The following TNFAIP2 variants were observed in gnomAD, a reference collection of about 807,000 sequenced individuals.
TNFAIP2 encodes the protein TNF alpha induced protein 2.
Under a neutral mutation model 63.5 loss-of-function variants are expected in TNFAIP2, and 47 were observed. That is an observed-to-expected ratio of 0.74 (90% CI 0.59 to 0.94). TNFAIP2 has a LOEUF of 0.94. TNFAIP2 is among the 40% of genes least tolerant of loss of function. The probability of loss-of-function intolerance (pLI) is 0.00; values close to 1 mark genes in which losing one functional copy is unlikely to be tolerated. For synonymous variants in TNFAIP2, 405 were observed against 390.2 expected (o/e 1.04, Z -0.45); for missense variants, 787 against 850.2 (o/e 0.93, Z 0.92).
chr14:103,123,077 G>A, upstream of TNFAIP2: 1 of 264,506 alleles, frequency 3.8e-6, no homozygotes. Context: ...GGGCTCTCCC[G>A]CAGCTGGAGC....
In TNFAIP2 at chr14:103,127,948, C is replaced by T. The variant is rs964823055; in HGVS notation, c.860+319C>T. On this transcript the variant is annotated intron_variant, in intron 3 of 11. Transcript: ENST00000560869. The surrounding 1 kb of genome is among the most constrained non-coding windows in gnomAD (Gnocchi z 5.1). ...ATGGTAGGGATTTCATTCACGAGCG[C>T]CCAGTCTGAGGAGGGGGCAAAGCAA... Among the ~76,000 whole-genome samples the T allele has an allele frequency of 6.6e-6, 1 of 152,136 alleles. No homozygotes were observed. The highest frequency in any genetic ancestry group is 1.5e-5 in the Non-Finnish European group (1 of 68,022).
Position 103,127,143 on chromosome 14 carries a change from T to A in TNFAIP2, c.374T>A (p.Val125Glu). 1 of 1,109,568 alleles carries A rather than the reference T, an allele frequency of 9.0e-7. No individual in the cohort carries two copies. Among genetic ancestry groups the A allele is most frequent in the Non-Finnish European group, 1.1e-6 (1 of 908,182 alleles). The allele number at this position is 1,109,568 out of a possible 1,614,324, so 68.7% of individuals were successfully genotyped here. The change falls in exon 3 of 12, where the codon GTG becomes GAG. Residue 125 changes from valine (V) to glutamate (E), a missense_variant. Transcript: ENST00000560869. This position sits in a 1 kb window ranked among gnomAD's most constrained non-coding sequence, Gnocchi z 5.1. Reference protein sequence around the residue: ...EEELVRRQSKVEALYELLRDQ... With the variant: ...EEELVRRQSKEEALYELLRDQ... ...GAGCTGGTGCGGCGCCAGAGCAAGG[T>A]GGAGGCGCTGTACGAGCTGCTGCGC...
rs549087553 is a variant in TNFAIP2 at position 103,133,220 on chromosome 14, A to G, written c.1546-142A>G. 65 of 1,076,224 alleles carry G rather than the reference A, an allele frequency of 6.0e-5. 1 individual carries two copies. In the East Asian group the frequency reaches 1.6e-3, roughly 27 times the overall value. 66.7% of individuals were successfully genotyped at this position (1,076,224 alleles called of 1,614,324 possible). On this transcript the variant is annotated intron_variant, in intron 9 of 11. Coordinates refer to ENST00000560869, the MANE Select transcript of TNFAIP2 (RefSeq NM_006291.4). ...TGAACGCATGAGCATGTGAACGCAC[A>G]CATGTGGACGCACGAGCACGTGTGC...
At chr14:103,129,958 G>C in intron 4 of TNFAIP2, 44 bp from the exon 5 acceptor site, 1 of 1,608,306 alleles carries the variant, frequency 6.2e-7, no homozygotes, top group Non-Finnish European at 8.5e-7. Context: ...CCAGGTGAGC[G>C]AGGTGAGGGA....
chr14:103,133,201 C>T (rs1315622991), intron 9 of TNFAIP2, among the ~76,000 whole-genome samples, 161 bp from the exon 10 acceptor site: 1 of 152,258 alleles, frequency 6.6e-6, no homozygotes, highest in Admixed American at 6.5e-5. Flanking sequence ...CATGTGAACG[C>T]ATGAGCATGT....
Position 103,135,549 on chromosome 14 carries a change from A to G in TNFAIP2, c.*189A>G, listed in dbSNP as rs906109135. The G allele has an allele frequency of 1.8e-5, 26 of 1,443,326 alleles. No homozygotes were observed. Among genetic ancestry groups the G allele is most frequent in the Admixed American group, 5.7e-5 (2 of 35,266 alleles). The allele number at this position is 1,443,326 out of a possible 1,614,324, so 89.4% of individuals were successfully genotyped here. ...ACTGGACAGACCTTGGTTTGTTTAC[A>G]TGTCCGATGGGGGCAGGAGCTCCCA... On this transcript the variant is annotated 3_prime_UTR_variant, in exon 12 of 12. Coordinates refer to ENST00000560869, the MANE Select transcript of TNFAIP2 (RefSeq NM_006291.4). The surrounding 1 kb of genome is among the most constrained non-coding windows in gnomAD (Gnocchi z 7.6).
At chr14:103,133,201 C>G (rs1315622991) in intron 9 of TNFAIP2, among the ~76,000 whole-genome samples, 161 bp from the exon 10 acceptor site, 1 of 152,258 alleles carries the variant, frequency 6.6e-6, no homozygotes, top group African/African-American at 2.4e-5. Context: ...CATGTGAACG[C>G]ATGAGCATGT....
chr14:103,130,945 C>A, intron 6 of TNFAIP2, 107 bp from the exon 7 acceptor site: 1 of 1,201,014 alleles, frequency 8.3e-7, no homozygotes, highest in Admixed American at 1.9e-5. Flanking sequence ...CTATGGGCAG[C>A]CAAACAGAAA....
chr14:103,122,821 C>T (rs1014652497), upstream of TNFAIP2: 4 of 454,196 alleles, frequency 8.8e-6, no homozygotes, highest in South Asian at 1.6e-5. Flanking sequence ...AACCCCACTC[C>T]GCTACTTAAA....
chr14:103,135,247 A>T lies in TNFAIP2; in HGVS notation c.1852A>T (p.Ile618Phe). ...AGGCCACCTGAGCGCTATCCTGGCC[A>T]TCAAGGGGAACCTATCCAACAGTGA... Reference protein sequence around the residue: ...SKGHLSAILAIKGNLSNSEVK... With the variant: ...SKGHLSAILAFKGNLSNSEVK... Residue 618 changes from isoleucine (I) to phenylalanine (F), a missense_variant, in exon 12 of 12, where the codon ATC (isoleucine) becomes TTC (phenylalanine). By Grantham distance (21) the Ile-to-Phe change is conservative. Coordinates refer to ENST00000560869, the MANE Select transcript of TNFAIP2 (RefSeq NM_006291.4). This position sits in a 1 kb window ranked among gnomAD's most constrained non-coding sequence, Gnocchi z 7.6. 1 of 1,613,986 alleles carries T rather than the reference A, an allele frequency of 6.2e-7. No homozygotes were observed. The highest frequency in any genetic ancestry group is 8.5e-7 in the Non-Finnish European group (1 of 1,180,000).
At chr14:103,126,735 G>T (rs1295566054) in intron 2 of TNFAIP2, 43 bp downstream of exon 2, 2 of 1,540,814 alleles carry the variant, frequency 1.3e-6, no homozygotes, top group East Asian at 2.4e-5. Flanking sequence ...GGGCCTGGAC[G>T]GGGTTGGCGC....
Position 103,135,206 on chromosome 14 carries a change from C to T in TNFAIP2, c.1824-13C>T. On this transcript the variant is annotated splice_polypyrimidine_tract_variant and intron_variant, in intron 11 of 11. Coordinates refer to ENST00000560869, the MANE Select transcript of TNFAIP2 (RefSeq NM_006291.4). The surrounding 1 kb of genome is among the most constrained non-coding windows in gnomAD (Gnocchi z 7.6). ...GGTGACAGGCTGGGCTGACAGGATG[C>T]TCTCTTTGCCAGCAAAGGCCACCTG... The T allele has an allele frequency of 1.9e-6, 3 of 1,613,692 alleles. No individual in the cohort carries two copies. Among genetic ancestry groups the T allele is most frequent in the Non-Finnish European group, 2.5e-6 (3 of 1,179,988 alleles).
chr14:103,130,362 G>A lies in TNFAIP2; in HGVS notation c.1146G>A (p.Leu382=), dbSNP rs1566964098. 1 of 1,570,414 alleles carries A rather than the reference G, an allele frequency of 6.4e-7. No individual in the cohort carries two copies. Among genetic ancestry groups the A allele is most frequent in the Middle Eastern group, 1.7e-4 (1 of 5,890 alleles). The part of the protein sequence containing the change: ...QAKAESITLD[L]GSQIKRVLLV... ...AGGCCGAGAGCATCACGCTGGACTT[G>A]GGCTCACAGATAAAGCGGGTGCTGC... Residue 382 remains leucine (L), a synonymous_variant, in exon 6 of 12, where the codon TTG becomes TTA. Transcript: ENST00000560869.
rs776590736 is a variant in TNFAIP2 at position 103,127,595 on chromosome 14, A to C, written c.826A>C (p.Met276Leu). ...QFELCERDTY[M>L]LLLWVQNLYP... The stretch of plus-strand genomic sequence containing the variant: ...CGAGCTGTGCGAGCGCGACACCTAC[A>C]TGCTGCTGCTCTGGGTGCAGAACCT... Residue 276 changes from methionine (M) to leucine (L), a missense_variant, in exon 3 of 12, where the codon ATG (methionine) becomes CTG (leucine). Physicochemically the swap from Met to Leu is conservative, Grantham distance 15 (BLOSUM62 2). Coordinates refer to ENST00000560869, the MANE Select transcript of TNFAIP2 (RefSeq NM_006291.4). This position sits in a 1 kb window ranked among gnomAD's most constrained non-coding sequence, Gnocchi z 5.1. The C allele has an allele frequency of 3.5e-5, 54 of 1,546,814 alleles. No homozygotes were observed. The highest frequency in any genetic ancestry group is 4.5e-5 in the Non-Finnish European group (52 of 1,149,094).
rs1367280110 is a variant in TNFAIP2 at position 103,130,883 on chromosome 14, A to C, written c.1200-169A>C. Among the ~76,000 whole-genome samples the C allele has an allele frequency of 3.9e-5, 6 of 152,106 alleles. No homozygotes were observed. The East Asian group carries it at 1.2e-3, about 29-fold the overall frequency. On this transcript the variant is annotated intron_variant, in intron 6 of 11. Coordinates refer to ENST00000560869, the MANE Select transcript of TNFAIP2 (RefSeq NM_006291.4). ...TACCCTCTTCAGGAGCCCAAGCCTT[A>C]GCTTGTGAAGCCAGTTCCATGATGC...
At chr14:103,132,942 G>A (rs2088008931) in intron 9 of TNFAIP2, 70 bp downstream of exon 9, 6 of 1,595,354 alleles carry the variant, frequency 3.8e-6, no homozygotes, top group African/African-American at 1.3e-5. Context: ...ACACTAGCAC[G>A]TCTGTGTACA....
At position 103,136,082 on chromosome 14, in the gene TNFAIP2, A is replaced by G; in HGVS notation, c.*722A>G. On this transcript the variant is annotated 3_prime_UTR_variant, in exon 12 of 12. Coordinates refer to ENST00000560869, the MANE Select transcript of TNFAIP2 (RefSeq NM_006291.4). The stretch of plus-strand genomic sequence containing the variant: ...TTGGTGTCTACTACCGAAGGGCCCA[A>G]GACCTCCTGGGTCCTCTCAGGCTCC... 2 of 1,173,424 alleles carry G rather than the reference A, an allele frequency of 1.7e-6. No individual in the cohort carries two copies. The highest frequency in any genetic ancestry group is 2.2e-6 in the Non-Finnish European group (2 of 918,464). 72.7% of individuals were successfully genotyped at this position (1,173,424 alleles called of 1,614,324 possible).
intron 1 of TNFAIP2, among the ~76,000 whole-genome samples, chr14:103,125,354 G>A (rs2087830666): frequency 6.6e-6 from 1 of 152,162 alleles, no homozygotes; most frequent in Admixed American, 6.5e-5. Flanking sequence ...TGCCTCTCTG[G>A]ATGTAGCTTG....
Position 103,133,794 on chromosome 14 carries a change from C to G in TNFAIP2, c.1814C>G (p.Pro605Arg). ...GTGGCCACTTATGCCACCTGCTACC[C>G]TGACTTCAGGTGAGAACCTGGGGCA... is the stretch of plus-strand genomic sequence containing the variant. ...IEVATYATCY[P>R]DFSKGHLSAI... Residue 605 changes from proline (P) to arginine (R), a missense_variant, in exon 11 of 12, where the codon CCT becomes CGT. Pro to Arg is a moderately radical substitution (Grantham distance 103). This residue lies in a region of TNFAIP2 where 523 missense variants were observed against 604.1 expected (regional missense o/e 0.87). Coordinates refer to ENST00000560869, the MANE Select transcript of TNFAIP2 (RefSeq NM_006291.4). 6.3e-7 allele frequency: 1 copy of G among 1,586,648 alleles called. No homozygotes were observed. The highest frequency in any genetic ancestry group is 8.5e-7 in the Non-Finnish European group (1 of 1,174,982).
Sources: gnomAD v4.1 joint callset for allele counts (sites outside exome capture counted in the v4.1 genomes callset) on GRCh38, gnomAD v4.1.1 for gene constraint, gnomAD v4.1.1 regional missense constraint, Gnocchi (gnomAD v3.1) non-coding constraint, MANE v1.5 for transcripts, NCBI Gene and HGNC (gene_info 2026-07-23, HGNC 2026-07-21) for gene names.